Variants in MEIS1 observed in about 807,000 individuals in gnomAD.
MEIS1 encodes the protein homeobox protein Meis1.
Under a neutral mutation model 50.8 loss-of-function variants are expected in MEIS1, and 5 were observed. The ratio of observed to expected loss-of-function variants is 0.10; its 90% CI spans 0.05 to 0.21. MEIS1 has a LOEUF of 0.21. MEIS1 is among the 10% of genes least tolerant of loss of function. The probability of loss-of-function intolerance (pLI) is 1.00; values close to 1 mark genes in which losing one functional copy is unlikely to be tolerated. For synonymous variants in MEIS1, 176 were observed against 179.3 expected (o/e 0.98, Z 0.15); for missense variants, 318 against 517.3 (o/e 0.61, Z 3.74).
chr2:66,457,572 T>C (rs1239933644), intron 6 of MEIS1, among the ~76,000 whole-genome samples: 3 of 152,118 alleles, frequency 2.0e-5, no homozygotes, highest in Non-Finnish European at 4.4e-5. Flanking sequence ...ATGGTATCAT[T>C]GATTGAGGAG....
At chr2:66,489,290 A>C (rs1178982344) in intron 7 of MEIS1, among the ~76,000 whole-genome samples, 2 of 152,240 alleles carry the variant, frequency 1.3e-5, no homozygotes, top group Admixed American at 6.5e-5. Context: ...TTGTCTAAGA[A>C]GGTAATTGTG....
At position 66,571,457 on chromosome 2, in the gene MEIS1, A is replaced by T; in HGVS notation, c.*249A>T. The T allele has an allele frequency of 1.9e-6, 3 of 1,603,018 alleles. No homozygotes were observed. Among genetic ancestry groups the T allele is most frequent in the Non-Finnish European group, 2.6e-6 (3 of 1,174,888 alleles). The stretch of plus-strand genomic sequence containing the variant: ...CCCACCCTGGAATGCCAATGTCAGC[A>T]TCAAGCCCCACAGTTCTTAATACAG... On this transcript the variant is annotated 3_prime_UTR_variant, in exon 13 of 13. Coordinates refer to ENST00000272369, the MANE Select transcript of MEIS1 (RefSeq NM_002398.3).
chr2:66,571,341 C>A lies in MEIS1; in HGVS notation c.*133C>A, dbSNP rs763582376. On this transcript the variant is annotated 3_prime_UTR_variant, in exon 13 of 13. Transcript: ENST00000272369. ...TTATACCCAACCCCAGATGCCCCCC[C>A]ATCCTGCTCAGCTGCGTCATGGGCC... 1.9e-5 allele frequency: 30 copies of A among 1,599,698 alleles called. No homozygotes were observed. The highest frequency in any genetic ancestry group is 6.7e-5 in the South Asian group (6 of 89,624).
rs1192594908 is a variant in MEIS1 at position 66,548,036 on chromosome 2, T to C, written c.965+17T>C. On this transcript the variant is annotated intron_variant, in intron 9 of 12. Transcript: ENST00000272369. ...GAACAATTGGTAAGTAATTTGGCTT[T>C]GTGTTTACACACAATCTGTTTCCCC... 3.1e-6 allele frequency: 5 copies of C among 1,611,532 alleles called. No individual in the cohort carries two copies. The African/African-American group carries it at 5.3e-5, about 17-fold the overall frequency.
chr2:66,509,917 G>T (rs934324098), intron 7 of MEIS1, among the ~76,000 whole-genome samples: 1 of 152,180 alleles, frequency 6.6e-6, no homozygotes, highest in Admixed American at 6.5e-5. Context: ...TTCTAGGCAG[G>T]CACTATGCAT....
chr2:66,436,091 C>G (rs1457517804), intron 1 of MEIS1, among the ~76,000 whole-genome samples: 1 of 151,882 alleles, frequency 6.6e-6, no homozygotes, highest in Non-Finnish European at 1.5e-5. Flanking sequence ...GATTCCTAAC[C>G]AGCAGCTATA....
intron 7 of MEIS1, among the ~76,000 whole-genome samples, chr2:66,473,483 T>C (rs539696727): frequency 6.0e-5 from 9 of 150,152 alleles, no homozygotes; most frequent in Admixed American, 3.3e-4. Context: ...TGTTGTCTGC[T>C]GAATTTTTGA....
chr2:66,496,051 G>C (rs916806891), intron 7 of MEIS1: 2 of 152,442 alleles, frequency 1.3e-5, no homozygotes, highest in African/African-American at 4.8e-5. Context: ...TCAGTTCTGG[G>C]GAAAGAAAGG....
chr2:66,439,551 A>G, intron 2 of MEIS1: 3 of 1,506,644 alleles, frequency 2.0e-6, no homozygotes, highest in Non-Finnish European at 2.7e-6. Context: ...GCTGCTGGAA[A>G]CGCTTGGGTT....
intron 6 of MEIS1, among the ~76,000 whole-genome samples, chr2:66,460,280 C>T (rs1291823171): frequency 6.6e-6 from 1 of 152,126 alleles, no homozygotes; most frequent in Non-Finnish European, 1.5e-5. Flanking sequence ...AGATACCATT[C>T]TCACTCATGG....
At chr2:66,514,794 T>C (rs2103858622) in intron 8 of MEIS1, among the ~76,000 whole-genome samples, 1 of 152,316 alleles carries the variant, frequency 6.6e-6, no homozygotes, top group Middle Eastern at 3.4e-3. Flanking sequence ...ACTTCTCTAA[T>C]TGCAAGAGCA....
intron 8 of MEIS1, among the ~76,000 whole-genome samples, chr2:66,516,238 G>T (rs1673965979): frequency 6.6e-6 from 1 of 152,080 alleles, no homozygotes; most frequent in South Asian, 2.1e-4. Flanking sequence ...ATATTTTCCT[G>T]CATGGAGCTC....
intron 7 of MEIS1, among the ~76,000 whole-genome samples, chr2:66,482,283 C>T (rs1673035968): frequency 1.3e-5 from 2 of 151,480 alleles, no homozygotes; most frequent in African/African-American, 4.9e-5. Context: ...AATGTGCCCA[C>T]CCTCGTTCAT....
intron 9 of MEIS1, among the ~76,000 whole-genome samples, chr2:66,553,034 C>T (rs1041057553): frequency 6.6e-6 from 1 of 151,926 alleles, no homozygotes; most frequent in African/African-American, 2.4e-5. Flanking sequence ...GCAAGGAAAA[C>T]AGATGTAAAA....
At chr2:66,522,969 C>A (rs1454130574) in intron 8 of MEIS1, among the ~76,000 whole-genome samples, 1 of 152,082 alleles carries the variant, frequency 6.6e-6, no homozygotes, top group Non-Finnish European at 1.5e-5. Flanking sequence ...AATTTACCAC[C>A]CTTTGCACAC....
chr2:66,531,598 G>A lies in MEIS1; in HGVS notation c.889-16345G>A, dbSNP rs989095792. ...CGGACATTTCTGCCCTTGTCTTTGG[G>A]AGTGCCACGTACACGGTTACACAAC... On this transcript the variant is annotated intron_variant, in intron 8 of 12. Coordinates refer to ENST00000272369, the MANE Select transcript of MEIS1 (RefSeq NM_002398.3). Among the ~76,000 whole-genome samples the A allele has an allele frequency of 2.6e-5, 4 of 152,322 alleles. No homozygotes were observed. The East Asian group carries it at 7.7e-4, about 29-fold the overall frequency.
chr2:66,449,937 T>G (rs1672240996), intron 6 of MEIS1, among the ~76,000 whole-genome samples: 1 of 152,154 alleles, frequency 6.6e-6, no homozygotes. Context: ...AAGGGCTTAT[T>G]TATACACATA....
chr2:66,551,414 AAG>A (rs1377336452), intron 9 of MEIS1, among the ~76,000 whole-genome samples: 1 of 152,176 alleles, frequency 6.6e-6, no homozygotes, highest in African/African-American at 2.4e-5. Context: ...ATCTGGAAAA[AAG>A]AAAATCTCGT....
chr2:66,520,629 T>C (rs893641489), intron 8 of MEIS1, among the ~76,000 whole-genome samples: 1 of 152,242 alleles, frequency 6.6e-6, no homozygotes, highest in South Asian at 2.1e-4. Flanking sequence ...ATTGCTTGGC[T>C]ATTTTGACAT....
Sources: allele counts gnomAD v4.1 joint callset (sites outside exome capture counted in the v4.1 genomes callset), GRCh38; gene constraint gnomAD v4.1.1; transcripts MANE v1.5; gene names NCBI Gene and HGNC (gene_info 2026-07-23, HGNC 2026-07-21).